The following DPP10 variants were observed in gnomAD, a reference collection of about 807,000 sequenced individuals.
The protein encoded by DPP10 is inactive dipeptidyl peptidase 10.
DPP10 carries 33 observed loss-of-function variants against 120.9 expected under a neutral mutation model. The ratio of observed to expected loss-of-function variants is 0.27; its 90% CI spans 0.21 to 0.37. The LOEUF (loss-of-function observed/expected upper bound fraction) is 0.37, where lower values mean the gene tolerates loss of function less well. Ranked by LOEUF, DPP10 falls within the 10% of genes least tolerant of loss-of-function variation. The probability of loss-of-function intolerance (pLI) is 1.00; values close to 1 mark genes in which losing one functional copy is unlikely to be tolerated. For synonymous variants in DPP10, 337 were observed against 326.1 expected (o/e 1.03, Z -0.36); for missense variants, 816 against 942.8 (o/e 0.87, Z 1.76).
rs540636621 is a variant in DPP10 at position 115,778,620 on chromosome 2, T to G, written c.1361+786T>G. Among the ~76,000 whole-genome samples, 157 of 152,232 alleles carry G rather than the reference T, an allele frequency of 1.0e-3. 1 individual carries two copies. The highest frequency in any genetic ancestry group is 3.5e-3 in the African/African-American group (145 of 41,560). On this transcript the variant is annotated intron_variant, in intron 15 of 25. Transcript: ENST00000410059. The stretch of plus-strand genomic sequence containing the variant: ...AAAGTGTCAAAACTGCCATGACATA[T>G]TCTCAGGGGAAATTCATCATGTTTT...
chr2:115,717,393 AAAAT>A (rs955207522), intron 7 of DPP10, among the ~76,000 whole-genome samples: 23 of 152,208 alleles, frequency 1.5e-4, no homozygotes, highest in East Asian at 1.2e-3. Flanking sequence ...AAATAAATAA[AAAAT>A]AAATAAATAA....
intron 3 of DPP10, among the ~76,000 whole-genome samples, chr2:115,414,741 C>T (rs914340514): frequency 2.6e-5 from 4 of 151,848 alleles, no homozygotes; most frequent in Non-Finnish European, 5.9e-5. Context: ...TGAATATTTA[C>T]AAAATCCAAG....
intron 1 of DPP10, chr2:114,835,151 A>G (rs1013052254): frequency 8.0e-5 from 12 of 149,996 alleles, no homozygotes; most frequent in Admixed American, 4.6e-4. Flanking sequence ...ACACCTATGT[A>G]TATATAAGCC....
rs1271522458 is a variant in DPP10, at chr2:115,815,684, G to T, written c.1905G>T (p.Leu635=). The part of the protein sequence containing the change: ...KDQITAVKFL[L]KLPYIDSKRL... ...TTCGTTTTCATTGCAGATTTTTGCTGAAACTGCCTTACATTGACTCCAAAA... is the reference window on the plus strand; with the variant it reads ...TTCGTTTTCATTGCAGATTTTTGCTTAAACTGCCTTACATTGACTCCAAAA... The change falls in exon 21 of 26, where the codon CTG becomes CTT. Residue 635 remains leucine, a synonymous_variant. Transcript: ENST00000410059. 6.3e-7 allele frequency: 1 copy of T among 1,599,584 alleles called. No individual in the cohort carries two copies. The highest frequency in any genetic ancestry group is 8.5e-7 in the Non-Finnish European group (1 of 1,172,398).
At chr2:115,709,835 G>A (rs189322011) in intron 7 of DPP10, among the ~76,000 whole-genome samples, 1 of 152,066 alleles carries the variant, frequency 6.6e-6, no homozygotes, top group East Asian at 1.9e-4. Context: ...TGGAATCTCA[G>A]AAGAAAAGGA....
At chr2:114,606,874 A>T (rs937102955) in intron 1 of DPP10, among the ~76,000 whole-genome samples, 8 of 152,310 alleles carry the variant, frequency 5.3e-5, no homozygotes, top group African/African-American at 1.7e-4. Context: ...GTGGTTAAGC[A>T]TATTGTTGAA....
At chr2:115,459,625 C>G (rs2073859543) in intron 3 of DPP10, among the ~76,000 whole-genome samples, 2 of 151,816 alleles carry the variant, frequency 1.3e-5, no homozygotes, top group South Asian at 4.2e-4. Context: ...CCAGCTCTCT[C>G]CTTAACTGAC....
At chr2:115,816,618 TG>T (rs374431933) in intron 21 of DPP10, among the ~76,000 whole-genome samples, 28 of 88,942 alleles carry the variant, frequency 3.1e-4, no homozygotes, top group East Asian at 1.1e-3. Context: ...TTTTTTGTTT[TG>T]TTTTTTTTTT....
intron 1 of DPP10, among the ~76,000 whole-genome samples, chr2:115,203,804 A>AT (rs1178725790): frequency 1.3e-5 from 2 of 151,846 alleles, no homozygotes; most frequent in African/African-American, 4.8e-5. Context: ...TTTATTATGG[A>AT]TTTTTTCTTG....
intron 1 of DPP10, among the ~76,000 whole-genome samples, chr2:114,925,210 CAAAAAA>C (rs66986816): frequency 9.5e-5 from 10 of 104,818 alleles, no homozygotes; most frequent in East Asian, 5.3e-4. Context: ...GACTCTGTCT[CAAAAAA>C]AAAAAAAAAA....
chr2:115,820,090 C>A (rs1199928707), intron 21 of DPP10, among the ~76,000 whole-genome samples: 1 of 152,110 alleles, frequency 6.6e-6, no homozygotes, highest in Non-Finnish European at 1.5e-5. Context: ...ACTTTTATTA[C>A]CATATAGTGA....
At chr2:115,723,645 T>G (rs1319784432) in intron 7 of DPP10, among the ~76,000 whole-genome samples, 1 of 149,264 alleles carries the variant, frequency 6.7e-6, no homozygotes, top group African/African-American at 2.5e-5. Context: ...TTTACACGGC[T>G]AGGTCCCAGG....
At chr2:115,616,306 T>C (rs4849413) in intron 5 of DPP10, among the ~76,000 whole-genome samples, 32,187 of 151,876 alleles carry the variant, frequency 0.21, 3,972 homozygotes, top group East Asian at 0.39. Context: ...TCATAAAATC[T>C]GTGTGATAGG....
chr2:115,641,016 A>G (rs928022219), intron 5 of DPP10, among the ~76,000 whole-genome samples: 3 of 152,192 alleles, frequency 2.0e-5, no homozygotes. Flanking sequence ...AATAGCTTTG[A>G]AAATAGAATA....
At chr2:114,461,439 C>G (rs892245366) in intron 1 of DPP10, 8 of 313,388 alleles carry the variant, frequency 2.6e-5, no homozygotes, top group Non-Finnish European at 3.7e-5. Flanking sequence ...ATTTTGTTTT[C>G]CATGGTTGCG....
At chr2:115,423,540 G>A (rs2070178571) in intron 3 of DPP10, among the ~76,000 whole-genome samples, 1 of 152,102 alleles carries the variant, frequency 6.6e-6, no homozygotes, top group Non-Finnish European at 1.5e-5. Flanking sequence ...AATTTCTGCT[G>A]AGGAAAGAAC....
intron 21 of DPP10, among the ~76,000 whole-genome samples, chr2:115,823,892 T>C (rs1688050762): frequency 6.6e-6 from 1 of 152,196 alleles, no homozygotes; most frequent in Non-Finnish European, 1.5e-5. Flanking sequence ...AGATATTTCC[T>C]CAAGGAAAGA....
chr2:115,493,284 A>C (rs1383744213), intron 3 of DPP10, among the ~76,000 whole-genome samples: 2 of 151,988 alleles, frequency 1.3e-5, no homozygotes, highest in African/African-American at 4.8e-5. Flanking sequence ...AGATACAGGA[A>C]AGGTGTAACC....
intron 3 of DPP10, among the ~76,000 whole-genome samples, chr2:115,440,006 A>G (rs1320138564): frequency 6.6e-6 from 1 of 152,162 alleles, no homozygotes; most frequent in African/African-American, 2.4e-5. Context: ...TTGCAAAAAT[A>G]TATATTTTAG....
Sources: allele counts gnomAD v4.1 joint callset (sites outside exome capture counted in the v4.1 genomes callset), GRCh38; gene constraint gnomAD v4.1.1; transcripts MANE v1.5; gene names NCBI Gene and HGNC (gene_info 2026-07-23, HGNC 2026-07-21).